The following HM13 variants were observed in gnomAD, a reference collection of about 807,000 sequenced individuals.
HM13 encodes the protein signal peptide peptidase.
Under a neutral mutation model 50.0 loss-of-function variants are expected in HM13, and 18 were observed. The ratio of observed to expected loss-of-function variants is 0.36; its 90% CI spans 0.25 to 0.53. HM13 has a LOEUF of 0.53. Among genes scored for constraint, HM13 ranks in the 20% least tolerant of loss-of-function variants. HM13 has a pLI of 0.90. For missense variants in HM13, 393 were observed against 552.4 expected (o/e 0.71, Z 2.89); for synonymous variants, 197 against 232.6 (o/e 0.85, Z 1.39).
chr20:31,553,298 A>G (rs542891153), intron 7 of HM13, among the ~76,000 whole-genome samples: 71 of 150,868 alleles, frequency 4.7e-4, no homozygotes, highest in African/African-American at 1.7e-3. Context: ...TCCATCTCAA[A>G]AAAAAAAAAA....
chr20:31,560,984 C>T (rs1353962773), intron 9 of HM13, among the ~76,000 whole-genome samples: 3 of 152,182 alleles, frequency 2.0e-5, no homozygotes, highest in African/African-American at 7.2e-5. Flanking sequence ...AGGGAAGTCA[C>T]GTAATGGCAA....
rs1328332042 is a variant in HM13 at position 31,541,291 on chromosome 20, G to A, written c.365+3030G>A. 5 of 152,196 alleles carry A rather than the reference G, an allele frequency of 3.3e-5. No individual in the cohort carries two copies. In the East Asian group the frequency reaches 9.7e-4, roughly 29 times the overall value. The allele number at this position is 152,196 out of a possible 1,614,324, so 9.4% of individuals were successfully genotyped here. ...AGCTCAGGAGTTCAAGACCAGCCTG[G>A]GCAACATGTTGAGACCCTGTCTCCA... On this transcript the variant is annotated intron_variant, in intron 3 of 12. Transcript: ENST00000398174.
At chr20:31,538,571 C>G (rs1983254159) in intron 3 of HM13, 1 of 1,307,538 alleles carries the variant, frequency 7.6e-7, no homozygotes, top group African/African-American at 1.5e-5. Flanking sequence ...AACACCAGTA[C>G]CACCTGCCGG....
chr20:31,544,121 C>A (rs188192895), intron 3 of HM13, among the ~76,000 whole-genome samples: 1 of 152,192 alleles, frequency 6.6e-6, no homozygotes, highest in African/African-American at 2.4e-5. Flanking sequence ...AGATTGAGGT[C>A]CAGGGAGACA....
At chr20:31,565,184 AAG>A (rs1225572409) in intron 10 of HM13, among the ~76,000 whole-genome samples, 1 of 151,154 alleles carries the variant, frequency 6.6e-6, no homozygotes, top group East Asian at 1.9e-4. Context: ...AAAAAAAAGA[AAG>A]AAACTCTTTG....
At chr20:31,527,830 A>T (rs58662941) in intron 2 of HM13, 3 of 454,616 alleles carry the variant, frequency 6.6e-6, no homozygotes, top group Non-Finnish European at 1.2e-5. Flanking sequence ...GTTTGGTTTC[A>T]TTGTACTGTT....
intron 4 of HM13, 26 bp downstream of exon 4, chr20:31,545,061 A>C: frequency 6.4e-7 from 1 of 1,573,194 alleles, no homozygotes; most frequent in South Asian, 1.1e-5. Flanking sequence ...TTTCCCCTGT[A>C]GTGTGCCTTG....
chr20:31,548,133 A>T lies in HM13; in HGVS notation c.455-896A>T. On this transcript the variant is annotated intron_variant, in intron 4 of 12. Coordinates refer to ENST00000398174, the MANE Select transcript of HM13 (RefSeq NM_178581.3). ...GTTTGTGTCTGTGTGTGACAGCGTG[A>T]ATACAATGCCTCTGTGGTTATGCTA... 3 of 888,308 alleles carry T rather than the reference A, an allele frequency of 3.4e-6. No individual in the cohort carries two copies. The South Asian group carries it at 4.2e-5, about 12-fold the overall frequency. The allele number at this position is 888,308 out of a possible 1,614,324, so 55.0% of individuals were successfully genotyped here.
Position 31,548,834 on chromosome 20 carries a change from T to C in HM13, c.455-195T>C, listed in dbSNP as rs567892876. ...GGCCTCCATTCCCTCCTGTAGGAAA[T>C]TGGAGGGGTTGGGGTGGCTCCAGTG... On this transcript the variant is annotated intron_variant, in intron 4 of 12. Transcript: ENST00000398174. 13 of 611,060 alleles carry C rather than the reference T, an allele frequency of 2.1e-5. No homozygotes were observed. In the East Asian group the frequency reaches 3.5e-4, roughly 17 times the overall value. 37.9% of individuals were successfully genotyped at this position (611,060 alleles called of 1,614,324 possible).
chr20:31,516,182 G>A (rs187441522), intron 1 of HM13, among the ~76,000 whole-genome samples: 1 of 152,326 alleles, frequency 6.6e-6, no homozygotes, highest in East Asian at 1.9e-4. Flanking sequence ...GACACTTAGT[G>A]TAGAGAGCAG....
At chr20:31,515,875 C>G (rs148214154) in intron 1 of HM13, among the ~76,000 whole-genome samples, 8 of 152,188 alleles carry the variant, frequency 5.3e-5, no homozygotes, top group Non-Finnish European at 1.2e-4. Context: ...GAGGATGGAC[C>G]TAAGTGGAAG....
chr20:31,547,881 T>G, intron 4 of HM13: 1 of 1,010,150 alleles, frequency 9.9e-7, no homozygotes, highest in East Asian at 2.4e-5. Flanking sequence ...TGTACCCTGC[T>G]GCAGTAGATA....
At chr20:31,542,650 G>A (rs952411051) in intron 3 of HM13, among the ~76,000 whole-genome samples, 1 of 152,120 alleles carries the variant, frequency 6.6e-6, no homozygotes, top group Non-Finnish European at 1.5e-5. Flanking sequence ...CCACAGGCTC[G>A]CGCTAGCCAG....
intron 9 of HM13, among the ~76,000 whole-genome samples, chr20:31,560,171 G>A (rs747559884): frequency 6.6e-6 from 1 of 152,236 alleles, no homozygotes; most frequent in Non-Finnish European, 1.5e-5. Flanking sequence ...GCACGAGGGG[G>A]AGAAGGTGGG....
intron 1 of HM13, among the ~76,000 whole-genome samples, chr20:31,525,878 C>T (rs192174962): frequency 1.3e-5 from 2 of 152,266 alleles, no homozygotes; most frequent in East Asian, 3.9e-4. Flanking sequence ...ATAAGTCCAG[C>T]ACTTTGTGAG....
At chr20:31,553,821 A>G (rs536599556) in intron 7 of HM13, among the ~76,000 whole-genome samples, 2 of 152,152 alleles carry the variant, frequency 1.3e-5, no homozygotes, top group South Asian at 4.1e-4. Flanking sequence ...CCCTCAGCAA[A>G]TACAGAAGGA....
At chr20:31,565,506 G>T (rs371504347) in intron 10 of HM13, among the ~76,000 whole-genome samples, 55 of 145,512 alleles carry the variant, frequency 3.8e-4, no homozygotes, top group African/African-American at 1.5e-3. Context: ...AAAAAGATTT[G>T]GGTCTCTGAG....
chr20:31,523,177 A>C (rs1364103756), intron 1 of HM13, among the ~76,000 whole-genome samples: 2 of 151,416 alleles, frequency 1.3e-5, no homozygotes, highest in Non-Finnish European at 2.9e-5. Context: ...CAACCTCCTG[A>C]GTAGCTGGGA....
chr20:31,544,270 A>C (rs1303925388), intron 3 of HM13, among the ~76,000 whole-genome samples: 1 of 152,264 alleles, frequency 6.6e-6, no homozygotes, highest in Non-Finnish European at 1.5e-5. Flanking sequence ...CTCTGAAAAA[A>C]GTCCAGAAAA....
Sources: allele counts gnomAD v4.1 joint callset (sites outside exome capture counted in the v4.1 genomes callset), GRCh38; gene constraint gnomAD v4.1.1; transcripts MANE v1.5; gene names NCBI Gene and HGNC (gene_info 2026-07-23, HGNC 2026-07-21).